The following DLGAP1 variants were observed in gnomAD, a reference collection of about 807,000 sequenced individuals.
DLGAP1 encodes the protein disks large-associated protein 1.
DLGAP1 carries 11 observed loss-of-function variants against 90.8 expected under a neutral mutation model. The observed-to-expected ratio is 0.12, with a 90% CI of 0.08 to 0.20. The LOEUF is 0.20. DLGAP1 is among the 10% of genes least tolerant of loss of function. The probability of loss-of-function intolerance (pLI) is 1.00; values close to 1 mark genes in which losing one functional copy is unlikely to be tolerated. For missense variants in DLGAP1, 1,050 were observed against 1,333.8 expected (o/e 0.79, Z 3.31); for synonymous variants, 558 against 540.7 (o/e 1.03, Z -0.44).
chr18:4,011,005 G>A (rs1245531604), intron 2 of DLGAP1, among the ~76,000 whole-genome samples: 2 of 151,592 alleles, frequency 1.3e-5, no homozygotes, highest in East Asian at 1.9e-4. Flanking sequence ...GTGAAATCCC[G>A]TCTCTACTAA....
In DLGAP1 at chr18:4,423,135, C is replaced by T. The variant is rs1465663247; in HGVS notation, c.-267+31871G>A. Among the ~76,000 whole-genome samples the T allele has an allele frequency of 5.9e-5, 9 of 152,152 alleles. No individual in the cohort carries two copies. In the East Asian group the frequency reaches 1.2e-3, roughly 20 times the overall value. The stretch of plus-strand genomic sequence containing the variant: ...AAAAATTCCCATGAAATTGTTATTT[C>T]ACTATCATTAAATGGGATCTACCAA... On this transcript the variant is annotated intron_variant, in intron 1 of 12. Transcript: ENST00000315677.
intron 6 of DLGAP1, among the ~76,000 whole-genome samples, chr18:3,733,616 G>A (rs1356507836): frequency 6.6e-6 from 1 of 152,238 alleles, no homozygotes; most frequent in Non-Finnish European, 1.5e-5. Flanking sequence ...GTCTATCAGG[G>A]ATGTAATCCC....
At chr18:4,150,540 G>T (rs2144397013) in intron 2 of DLGAP1, among the ~76,000 whole-genome samples, 1 of 152,114 alleles carries the variant, frequency 6.6e-6, no homozygotes. Flanking sequence ...ACAGGCACCT[G>T]CCACTGCCTC....
chr18:4,324,567 CAA>C lies in DLGAP1; in HGVS notation c.-267+130437_-267+130438del, dbSNP rs1210114376. Among the ~76,000 whole-genome samples, 3 of 151,766 alleles carry C rather than the reference CAA, an allele frequency of 2.0e-5. No individual in the cohort carries two copies. The East Asian group carries it at 5.8e-4, about 29-fold the overall frequency. On this transcript the variant is annotated intron_variant, in intron 1 of 12. Transcript: ENST00000315677. Reference sequence around the variant, plus strand: ...AAACCTGGCAGAGACACAACAACAACAAAAACACTTCAGGCAATAACCTTGAT... The same window carrying C: ...AAACCTGGCAGAGACACAACAACAACAAACACTTCAGGCAATAACCTTGAT...
At chr18:4,194,219 C>T (rs145673031) in intron 1 of DLGAP1, among the ~76,000 whole-genome samples, 260 of 152,210 alleles carry the variant, frequency 1.7e-3, no homozygotes, top group African/African-American at 5.8e-3. Context: ...CATGAGTACC[C>T]AATGTTTAGC....
At chr18:4,106,031 CAAAAAAA>C (rs60176243) in intron 2 of DLGAP1, among the ~76,000 whole-genome samples, 7 of 102,242 alleles carry the variant, frequency 6.8e-5, no homozygotes, top group African/African-American at 2.0e-4. Flanking sequence ...GGGTCCGTCT[CAAAAAAA>C]AAAAAAAAAA....
intron 1 of DLGAP1, chr18:4,248,673 T>C (rs1421072462): frequency 1.3e-5 from 2 of 152,314 alleles, no homozygotes; most frequent in South Asian, 2.1e-4. Flanking sequence ...ATTACCATTC[T>C]CAAGCTTAAA....
intron 1 of DLGAP1, among the ~76,000 whole-genome samples, chr18:4,321,961 G>A (rs2080697756): frequency 9.1e-6 from 1 of 110,336 alleles, no homozygotes; most frequent in Non-Finnish European, 1.8e-5. Flanking sequence ...AGTTTGGGAG[G>A]CCTAGGGGGG....
At chr18:3,618,522 T>G (rs866681175) in intron 7 of DLGAP1, among the ~76,000 whole-genome samples, 1 of 150,778 alleles carries the variant, frequency 6.6e-6, no homozygotes, top group Non-Finnish European at 1.5e-5. Flanking sequence ...CTGCAGGGAG[T>G]TGGCACTGGT....
At chr18:4,126,654 TTTATAGGTGCTTAGC>T (rs2076237750) in intron 2 of DLGAP1, among the ~76,000 whole-genome samples, 1 of 152,144 alleles carries the variant, frequency 6.6e-6, no homozygotes, top group African/African-American at 2.4e-5. Flanking sequence ...CCTTTAGAAA[TTTATAGGTGCTTAGC>T]ATCATAAAAT....
intron 7 of DLGAP1, among the ~76,000 whole-genome samples, chr18:3,627,333 G>A (rs755365066): frequency 6.6e-6 from 1 of 151,440 alleles, no homozygotes; most frequent in Non-Finnish European, 1.5e-5. Flanking sequence ...ATAGGCTTCT[G>A]AGCTCAGGGA....
intron 3 of DLGAP1, among the ~76,000 whole-genome samples, chr18:3,941,490 T>C (rs1599192587): frequency 6.6e-6 from 1 of 152,072 alleles, no homozygotes; most frequent in South Asian, 2.1e-4. Flanking sequence ...TAAATATTAA[T>C]AGAATAGGCC....
At chr18:3,831,016 G>A (rs371223761) in intron 4 of DLGAP1, among the ~76,000 whole-genome samples, 5 of 152,228 alleles carry the variant, frequency 3.3e-5, no homozygotes, top group African/African-American at 1.2e-4. Flanking sequence ...GGGCAGGGAA[G>A]AAACCTCGCA....
At chr18:4,198,786 T>C (rs2077551399) in intron 1 of DLGAP1, among the ~76,000 whole-genome samples, 1 of 152,232 alleles carries the variant, frequency 6.6e-6, no homozygotes, top group East Asian at 1.9e-4. Flanking sequence ...AATGATGTAT[T>C]ACATTCTGCA....
intron 5 of DLGAP1, among the ~76,000 whole-genome samples, chr18:3,800,681 T>C (rs1026003768): frequency 1.3e-5 from 2 of 152,188 alleles, no homozygotes; most frequent in Non-Finnish European, 2.9e-5. Context: ...TAACACATTA[T>C]TAAAATATTT....
At chr18:4,068,581 T>A (rs1469959141) in intron 2 of DLGAP1, among the ~76,000 whole-genome samples, 4 of 152,192 alleles carry the variant, frequency 2.6e-5, no homozygotes, top group African/African-American at 9.6e-5. Flanking sequence ...TTTTAACGCA[T>A]AAAATATGCT....
chr18:4,270,715 G>A (rs1391097283), intron 1 of DLGAP1, among the ~76,000 whole-genome samples: 1 of 152,076 alleles, frequency 6.6e-6, no homozygotes. Context: ...GCTATTACTA[G>A]TAGGTTCAAT....
rs921115528 is a variant in DLGAP1 at position 4,317,684 on chromosome 18, C to T, written c.-267+137322G>A. On this transcript the variant is annotated intron_variant, in intron 1 of 12. Coordinates refer to ENST00000315677, the MANE Select transcript of DLGAP1 (RefSeq NM_004746.4). ...TTAAGTATCTCTTTTGTTTTCCTCT[C>T]GAATCTCAAGTGCAGATACAGGATG... is the stretch of plus-strand genomic sequence containing the variant. Among the ~76,000 whole-genome samples the T allele has an allele frequency of 2.6e-5, 4 of 152,126 alleles. No homozygotes were observed. The East Asian group carries it at 7.7e-4, about 29-fold the overall frequency.
intron 9 of DLGAP1, among the ~76,000 whole-genome samples, chr18:3,563,771 T>C (rs751759020): frequency 6.6e-6 from 1 of 152,206 alleles, no homozygotes; most frequent in Non-Finnish European, 1.5e-5. Context: ...GCCCAGCTGA[T>C]CTGGCTTTTT....
Sources: allele counts gnomAD v4.1 joint callset (sites outside exome capture counted in the v4.1 genomes callset), GRCh38; gene constraint gnomAD v4.1.1; transcripts MANE v1.5; gene names NCBI Gene and HGNC (gene_info 2026-07-23, HGNC 2026-07-21).